Variants in FAM184B observed in about 807,000 individuals in gnomAD.
The protein encoded by FAM184B is family with sequence similarity 184 member B, also known as protein FAM184B.
A neutral mutation model predicts 135.9 loss-of-function variants in FAM184B; 111 were observed. The observed-to-expected ratio is 0.82, with a 90% CI of 0.70 to 0.96. FAM184B has a LOEUF of 0.96. Ranked by LOEUF, FAM184B falls within the 40% of genes least tolerant of loss-of-function variation. The pLI, the probability that FAM184B is intolerant of heterozygous loss-of-function variation, is 0.00. For missense variants in FAM184B, 1,375 were observed against 1,323.9 expected, an observed-to-expected ratio of 1.04 and a Z score of -0.60; for synonymous variants, 552 against 524.8, an observed-to-expected ratio of 1.05 and a Z score of -0.71.
chr4:17,662,459 T>C (rs1715941205), intron 8 of FAM184B, among the ~76,000 whole-genome samples: 1 of 152,088 alleles, frequency 6.6e-6, no homozygotes, highest in South Asian at 2.1e-4. Context: ...CGCCTCAGCC[T>C]CCTGAGTGGC....
intron 12 of FAM184B, among the ~76,000 whole-genome samples, chr4:17,646,331 A>G (rs1164479316): frequency 6.6e-6 from 1 of 152,178 alleles, no homozygotes; most frequent in African/African-American, 2.4e-5. Context: ...AACCAACCCA[A>G]GTGTCCAACA....
In FAM184B at chr4:17,664,607, T is replaced by C. The variant is rs377278420; in HGVS notation, c.1649A>G (p.Asp550Gly). 7.7e-6 allele frequency: 12 copies of C among 1,551,332 alleles called. No individual in the cohort carries two copies. Among genetic ancestry groups the C allele is most frequent in the Non-Finnish European group, 1.0e-5 (12 of 1,146,970 alleles). The change falls in exon 8 of 18, where the codon GAT (aspartate) becomes GGT (glycine). Residue 550 changes from aspartate to glycine, a missense_variant. Coordinates refer to ENST00000265018, the MANE Select transcript of FAM184B (RefSeq NM_015688.2). ...ETSPRGEEYQ[D>G]KLAAEEGTSS... is the part of the protein sequence containing the mutation. ...GGTTCCTTCTTCAGCTGCTAACTTA[T>C]CTTGATACTCCTCTCCTCTCGGCGA...
chr4:17,709,100 T>C lies in FAM184B; in HGVS notation c.686A>G (p.Asn229Ser). 1 of 1,549,504 alleles carries C rather than the reference T, an allele frequency of 6.5e-7. No individual in the cohort carries two copies. Among genetic ancestry groups the C allele is most frequent in the Non-Finnish European group, 8.7e-7 (1 of 1,146,940 alleles). Residue 229 changes from asparagine (N) to serine (S), a missense_variant, in exon 2 of 18, where the codon AAC (asparagine) becomes AGC (serine). Coordinates refer to ENST00000265018, the MANE Select transcript of FAM184B (RefSeq NM_015688.2). Reference protein sequence around the residue: ...EELQATYERENEAIRQAMQQS... With the variant: ...EELQATYERESEAIRQAMQQS... ...CTGCATGGCCTGCCGGATGGCCTCG[T>C]TTTCCCTCTCGTAGGTGGCCTGCAG...
At chr4:17,708,701 A>AG (rs1577269968) in intron 2 of FAM184B, among the ~76,000 whole-genome samples, 191 bp downstream of exon 2, 7 of 55,258 alleles carry the variant, frequency 1.3e-4, no homozygotes, top group Non-Finnish European at 1.9e-4. Flanking sequence ...ATATATATAT[A>AG]TATATATAGT....
At chr4:17,729,743 T>A (rs1374977289) in intron 1 of FAM184B, among the ~76,000 whole-genome samples, 1 of 152,148 alleles carries the variant, frequency 6.6e-6, no homozygotes, top group East Asian at 1.9e-4. Flanking sequence ...AGAAAGGACA[T>A]CCACACCAAA....
In FAM184B at chr4:17,781,329, C is replaced by G. The variant is rs1179942794; in HGVS notation, c.-30G>C. The G allele has an allele frequency of 9.3e-6, 14 of 1,498,020 alleles. No individual in the cohort carries two copies. Among genetic ancestry groups the G allele is most frequent in the Non-Finnish European group, 1.3e-5 (14 of 1,116,208 alleles). The allele number at this position is 1,498,020 out of a possible 1,614,324, so 92.8% of individuals were successfully genotyped here. A position where few individuals can be genotyped will look rare whatever the true frequency, so the allele number is the denominator to read the frequency against. On this transcript the variant is annotated 5_prime_UTR_variant, in exon 1 of 18. Transcript: ENST00000265018. The surrounding 1 kb of genome is among the most constrained non-coding windows in gnomAD (Gnocchi z 6.5). ...AAAACGCGCCCAGCACTCAGACTCTCTCGTTTTCTCCCTGCCCACCGTGTG... is the reference window on the plus strand; with the variant it reads ...AAAACGCGCCCAGCACTCAGACTCTGTCGTTTTCTCCCTGCCCACCGTGTG...
At chr4:17,633,078 A>C (rs922352488) in intron 17 of FAM184B, 1 of 155,440 alleles carries the variant, frequency 6.4e-6, no homozygotes, top group African/African-American at 2.4e-5. Flanking sequence ...GCATACCACC[A>C]CACCTGGCTA....
intron 1 of FAM184B, among the ~76,000 whole-genome samples, chr4:17,729,585 T>A (rs1717726829): frequency 6.6e-6 from 1 of 152,228 alleles, no homozygotes; most frequent in Non-Finnish European, 1.5e-5. Flanking sequence ...GCATTTGCGG[T>A]TCACCAAGAT....
chr4:17,778,348 C>A (rs561175123), intron 1 of FAM184B, among the ~76,000 whole-genome samples: 2 of 152,116 alleles, frequency 1.3e-5, no homozygotes, highest in Non-Finnish European at 2.9e-5. Flanking sequence ...AATAAATCAT[C>A]ATACAACAGT....
chr4:17,769,234 A>G (rs111359233), intron 1 of FAM184B, among the ~76,000 whole-genome samples: 2 of 152,346 alleles, frequency 1.3e-5, no homozygotes, highest in African/African-American at 4.8e-5. Context: ...CAGGTTACAC[A>G]ATAGTTACAT....
At chr4:17,708,141 C>T (rs1347561978) in intron 2 of FAM184B, among the ~76,000 whole-genome samples, 2 of 152,166 alleles carry the variant, frequency 1.3e-5, no homozygotes, top group African/African-American at 4.8e-5. Context: ...TGCTATGAAA[C>T]TAACAGGGGC....
chr4:17,696,198 T>G (rs1716851890), intron 5 of FAM184B, among the ~76,000 whole-genome samples: 1 of 152,128 alleles, frequency 6.6e-6, no homozygotes, highest in Admixed American at 6.6e-5. Flanking sequence ...GATAAAGAAA[T>G]GAAACTTAAA....
intron 7 of FAM184B, 65 bp downstream of exon 7, chr4:17,688,359 A>G: frequency 8.3e-7 from 1 of 1,208,948 alleles, no homozygotes; most frequent in Non-Finnish European, 1.2e-6. Context: ...GTTACTGGGG[A>G]CACTGAAAGG....
In FAM184B at chr4:17,709,088, C is replaced by G. The variant is rs567559077; in HGVS notation, c.698G>C (p.Arg233Pro). Residue 233 changes from arginine to proline, a missense_variant, in exon 2 of 18, where the codon CGG (arginine) becomes CCG (proline). Arg to Pro is a moderately radical substitution (Grantham distance 103). Coordinates refer to ENST00000265018, the MANE Select transcript of FAM184B (RefSeq NM_015688.2). Reference protein sequence around the residue: ...ATYERENEAIRQAMQQSVSQA... With the variant: ...ATYERENEAIPQAMQQSVSQA... Reference sequence around the variant, plus strand: ...GCTCACCGACTGCTGCATGGCCTGCCGGATGGCCTCGTTTTCCCTCTCGTA... The same window carrying G: ...GCTCACCGACTGCTGCATGGCCTGCGGGATGGCCTCGTTTTCCCTCTCGTA... 2 of 1,549,630 alleles carry G rather than the reference C, an allele frequency of 1.3e-6. No individual in the cohort carries two copies. Among genetic ancestry groups the G allele is most frequent in the South Asian group, 2.4e-5 (2 of 84,058 alleles).
intron 1 of FAM184B, among the ~76,000 whole-genome samples, chr4:17,747,400 C>A (rs781720248): frequency 1.3e-5 from 2 of 152,068 alleles, no homozygotes; most frequent in Non-Finnish European, 2.9e-5. Context: ...GTTTCTGGCA[C>A]GGACGTTATT....
Position 17,709,509 on chromosome 4 carries a change from C to T in FAM184B, c.277G>A (p.Glu93Lys). 6.4e-7 allele frequency: 1 copy of T among 1,550,848 alleles called. No homozygotes were observed. Among genetic ancestry groups the T allele is most frequent in the South Asian group, 1.2e-5 (1 of 83,992 alleles). The change falls in exon 2 of 18, where the codon GAG (glutamate) becomes AAG (lysine). Residue 93 changes from glutamate (E) to lysine (K), a missense_variant. Physicochemically the swap from Glu to Lys is moderately conservative, Grantham distance 56. Transcript: ENST00000265018. Reference sequence around the variant, plus strand: ...ATGCGCTGTAGAAGGGCTTCCTCCTCTGCGCAGCCCTGTTCCTGCAGGAGC... The same window carrying T: ...ATGCGCTGTAGAAGGGCTTCCTCCTTTGCGCAGCCCTGTTCCTGCAGGAGC... ...ARLLQEQGCA[E>K]EEALLQRIQA... is the part of the protein sequence containing the mutation.
intron 12 of FAM184B, among the ~76,000 whole-genome samples, chr4:17,643,231 A>G (rs1182867331): frequency 6.6e-6 from 1 of 151,822 alleles, no homozygotes; most frequent in East Asian, 1.9e-4. Flanking sequence ...AGTAGGACAG[A>G]CTCCACTTAG....
intron 7 of FAM184B, among the ~76,000 whole-genome samples, chr4:17,672,596 G>T (rs1352883223): frequency 6.6e-6 from 1 of 152,104 alleles, no homozygotes; most frequent in African/African-American, 2.4e-5. Flanking sequence ...AAGGGATGCT[G>T]GATTTTATCA....
intron 4 of FAM184B, 77 bp downstream of exon 4, chr4:17,705,675 G>C: frequency 2.0e-6 from 3 of 1,502,574 alleles, no homozygotes; most frequent in Non-Finnish European, 2.7e-6. Context: ...CTTGGGGACT[G>C]GCCTCTACCT....
Sources: gnomAD v4.1 joint callset for allele counts (sites outside exome capture counted in the v4.1 genomes callset) on GRCh38, gnomAD v4.1.1 for gene constraint, Gnocchi (gnomAD v3.1) non-coding constraint, MANE v1.5 for transcripts, NCBI Gene and HGNC (gene_info 2026-07-23, HGNC 2026-07-21) for gene names.